Variants in TAPBPL observed in about 807,000 individuals in gnomAD.
TAPBPL encodes the protein TAP binding protein like.
TAPBPL carries 32 observed loss-of-function variants against 44.8 expected under a neutral mutation model. That is an observed-to-expected ratio of 0.71 (90% CI 0.54 to 0.96). The LOEUF is 0.96. Ranked by LOEUF, TAPBPL falls within the 40% of genes least tolerant of loss-of-function variation. The pLI is 0.00. For synonymous variants in TAPBPL, 230 were observed against 240.7 expected (o/e 0.96, Z 0.41); for missense variants, 520 against 586.6 (o/e 0.89, Z 1.17).
downstream of TAPBPL, chr12:6,463,863 GAC>G: frequency 7.9e-7 from 1 of 1,262,906 alleles, no homozygotes; most frequent in Non-Finnish European, 1.0e-6. The surrounding 1 kb of genome is among the most constrained non-coding windows in gnomAD (Gnocchi z 4.0). Context: ...GATCCCCAAA[GAC>G]ACGGAAAATC....
downstream of TAPBPL, chr12:6,462,758 G>A: frequency 6.8e-7 from 1 of 1,476,712 alleles, no homozygotes; most frequent in Non-Finnish European, 9.2e-7. Context: ...CATTAGGCAA[G>A]GAGGAGCCCA....
At position 6,457,504 on chromosome 12, in the gene TAPBPL, C is replaced by G; in HGVS notation, c.664C>G (p.Leu222Val). The change falls in exon 4 of 7, where the codon CTC (leucine) becomes GTC (valine). Residue 222 changes from leucine (L) to valine (V), a missense_variant. Coordinates refer to ENST00000266556, the MANE Select transcript of TAPBPL (RefSeq NM_018009.5). ...CTTCTCCATGGCACCGGGCTTGGAC[C>G]TCATCAGTGTGGAGTGGCGACTGCA... ...CGFSMAPGLD[L>V]ISVEWRLQHK... The G allele has an allele frequency of 6.2e-7, 1 of 1,614,242 alleles. No individual in the cohort carries two copies. Among genetic ancestry groups the G allele is most frequent in the Non-Finnish European group, 8.5e-7 (1 of 1,180,044 alleles).
chr12:6,453,805 G>A lies in TAPBPL; in HGVS notation c.565+89G>A. 2 of 1,432,298 alleles carry A rather than the reference G, an allele frequency of 1.4e-6. No homozygotes were observed. The allele number at this position is 1,432,298 out of a possible 1,614,324, so 88.7% of individuals were successfully genotyped here. A position where few individuals can be genotyped will look rare whatever the true frequency, so the allele number is the denominator to read the frequency against. On this transcript the variant is annotated intron_variant, in intron 3 of 6. Transcript: ENST00000266556. The surrounding 1 kb of genome is among the most constrained non-coding windows in gnomAD (Gnocchi z 4.8). Reference sequence around the variant, plus strand: ...TACCGAGGTCGGTGGATCACCTGAGGTCAGGAGTTTGAGATCAGCCTGGTC... The same window carrying A: ...TACCGAGGTCGGTGGATCACCTGAGATCAGGAGTTTGAGATCAGCCTGGTC...
At chr12:6,465,466 AGT>A (rs72418260), downstream of TAPBPL, 6,039 of 103,282 alleles carry the variant, frequency 0.058, 649 homozygotes, top group Admixed American at 0.13. Context: ...GTGTATATAT[AGT>A]GTGTGTGTGT....
At chr12:6,462,841 C>A, downstream of TAPBPL, 1 of 1,606,702 alleles carries the variant, frequency 6.2e-7, no homozygotes, top group African/African-American at 1.3e-5. Flanking sequence ...TTCAGTCCCG[C>A]CCTTGGGCAG....
chr12:6,469,887 G>A (rs942066417), downstream of TAPBPL, among the ~76,000 whole-genome samples: 3 of 152,180 alleles, frequency 2.0e-5, no homozygotes, highest in South Asian at 2.1e-4. Context: ...CTCGGTGATA[G>A]AAAAACATCT....
Position 6,453,964 on chromosome 12 carries a change from G to A in TAPBPL, c.565+248G>A, listed in dbSNP as rs1334107374. On this transcript the variant is annotated intron_variant, in intron 3 of 6. Transcript: ENST00000266556. The surrounding 1 kb of genome is among the most constrained non-coding windows in gnomAD (Gnocchi z 4.8). The stretch of plus-strand genomic sequence containing the variant: ...CGGAAGGCAGAGGTTGCGGTGAGCC[G>A]AGATCACACCATGGCACTTCAGCCT... Among the ~76,000 whole-genome samples the A allele has an allele frequency of 1.3e-5, 2 of 148,620 alleles. No homozygotes were observed. The highest frequency in any genetic ancestry group is 3.0e-5 in the Non-Finnish European group (2 of 67,094).
downstream of TAPBPL, chr12:6,463,820 T>C: frequency 3.3e-6 from 4 of 1,215,354 alleles, no homozygotes; most frequent in Non-Finnish European, 4.2e-6. The surrounding 1 kb of genome is among the most constrained non-coding windows in gnomAD (Gnocchi z 4.0). Context: ...CTAAGTGTTC[T>C]CCAGGCCTCT....
At chr12:6,454,419 G>C (rs980550347) in intron 3 of TAPBPL, among the ~76,000 whole-genome samples, 3 of 152,128 alleles carry the variant, frequency 2.0e-5, no homozygotes, top group Non-Finnish European at 4.4e-5. Context: ...AGTGAGCCGA[G>C]ATTGCGCCAC....
Position 6,458,798 on chromosome 12 carries a change from C to G in TAPBPL, c.1058C>G (p.Ser353Cys). The G allele has an allele frequency of 1.2e-6, 2 of 1,614,150 alleles. No homozygotes were observed. Among genetic ancestry groups the G allele is most frequent in the Non-Finnish European group, 1.7e-6 (2 of 1,180,030 alleles). ...SPAQVSGASF[S>C]SLRQSVAGTY... ...GCCCAAGTCTCTGGTGCCTCCTTCT[C>G]CAGCCTCAGGCAAAGCGTGGCAGGC... Residue 353 changes from serine to cysteine, a missense_variant, in exon 5 of 7, where the codon TCC becomes TGC. Transcript: ENST00000266556.
At chr12:6,456,470 T>C (rs1045808072) in intron 3 of TAPBPL, among the ~76,000 whole-genome samples, 2 of 151,542 alleles carry the variant, frequency 1.3e-5, no homozygotes, top group South Asian at 2.1e-4. Flanking sequence ...GTTCAAGTGA[T>C]TCTCCACCTG....
intron 6 of TAPBPL, 65 bp downstream of exon 6, chr12:6,461,003 C>T: frequency 1.9e-6 from 3 of 1,605,764 alleles, no homozygotes; most frequent in Non-Finnish European, 2.6e-6. Flanking sequence ...CACCCCCCCG[C>T]CCAGACCAGG....
intron 3 of TAPBPL, among the ~76,000 whole-genome samples, chr12:6,454,315 G>A (rs2136979502): frequency 6.7e-6 from 1 of 150,214 alleles, no homozygotes; most frequent in African/African-American, 2.4e-5. Context: ...CTAAAATACA[G>A]AAATTAGCCG....
downstream of TAPBPL, chr12:6,465,984 C>A (rs754046104): frequency 6.2e-7 from 1 of 1,614,252 alleles, no homozygotes; most frequent in South Asian, 1.1e-5. Flanking sequence ...CACGTTCACA[C>A]GTATGATGTC....
chr12:6,465,568 A>C (rs113705037), downstream of TAPBPL, among the ~76,000 whole-genome samples: 69 of 150,074 alleles, frequency 4.6e-4, 1 homozygote, highest in African/African-American at 1.6e-3. Flanking sequence ...TTTGCAGGCA[A>C]CTCCTTTGGG....
At chr12:6,470,420 C>G (rs1215288552), downstream of TAPBPL, 3 of 1,521,722 alleles carry the variant, frequency 2.0e-6, no homozygotes, top group African/African-American at 2.8e-5. Flanking sequence ...GTGGTAGTTC[C>G]CCGCGTTGCT....
intron 5 of TAPBPL, among the ~76,000 whole-genome samples, chr12:6,460,022 G>A (rs1339639091): frequency 3.3e-5 from 5 of 151,502 alleles, no homozygotes; most frequent in South Asian, 2.1e-4. Context: ...TGTCCGCCTC[G>A]GCTTCCCAAA....
At position 6,452,106 on chromosome 12, in the gene TAPBPL, C is replaced by A. The variant is rs2136973211; in HGVS notation, c.-143C>A. 1.0e-6 allele frequency: 1 copy of A among 974,390 alleles called. No individual in the cohort carries two copies. The highest frequency in any genetic ancestry group is 2.4e-5 in the Admixed American group (1 of 42,462). The allele number at this position is 974,390 out of a possible 1,614,324, so 60.4% of individuals were successfully genotyped here. The stretch of plus-strand genomic sequence containing the variant: ...TAAGTGAAAGTGAAAGAAAAGTCGG[C>A]AGCAGAGGGAACAGGGAAGAAACCT... On this transcript the variant is annotated 5_prime_UTR_variant, in exon 1 of 7. Coordinates refer to ENST00000266556, the MANE Select transcript of TAPBPL (RefSeq NM_018009.5).
At chr12:6,463,094 A>G, downstream of TAPBPL, 1 of 1,522,716 alleles carries the variant, frequency 6.6e-7, no homozygotes, top group Non-Finnish European at 8.8e-7. The surrounding 1 kb of genome is among the most constrained non-coding windows in gnomAD (Gnocchi z 4.0). Context: ...GAAGCTCAGC[A>G]ATTGCCCCGA....
Sources: allele counts gnomAD v4.1 joint callset (sites outside exome capture counted in the v4.1 genomes callset), GRCh38; gene constraint gnomAD v4.1.1; non-coding constraint Gnocchi (gnomAD v3.1); transcripts MANE v1.5; gene names NCBI Gene and HGNC (gene_info 2026-07-23, HGNC 2026-07-21).